Variants in CLDN10 observed in about 807,000 individuals in gnomAD.
CLDN10 encodes the protein claudin 10.
Under a neutral mutation model 22.9 loss-of-function variants are expected in CLDN10, and 15 were observed. The observed-to-expected ratio is 0.65, with a 90% confidence interval of 0.44 to 1.01. CLDN10 has a LOEUF of 1.01. CLDN10 is among the 50% of genes least tolerant of loss of function. The pLI, the probability that CLDN10 is intolerant of heterozygous loss-of-function variation, is 0.00. For synonymous variants in CLDN10, 114 were observed against 111.4 expected (o/e 1.02, Z -0.15); for missense variants, 247 against 287.8 (o/e 0.86, Z 1.03).
chr13:95,548,470 G>A (rs181112957), upstream of CLDN10, among the ~76,000 whole-genome samples: 50 of 152,158 alleles, frequency 3.3e-4, no homozygotes, highest in African/African-American at 1.2e-3. Flanking sequence ...TGTTTTTATA[G>A]TTATAATTTG....
At chr13:95,521,275 A>T (rs964046181) in intron 1 of CLDN10, among the ~76,000 whole-genome samples, 4 of 152,176 alleles carry the variant, frequency 2.6e-5, no homozygotes, top group African/African-American at 7.2e-5. Flanking sequence ...CAAAAGAAAA[A>T]CTTTCAATGT....
chr13:95,573,895 C>T (rs1053823879), intron 3 of CLDN10, among the ~76,000 whole-genome samples: 4 of 151,368 alleles, frequency 2.6e-5, no homozygotes, highest in African/African-American at 9.7e-5. Flanking sequence ...AACAGGCCCC[C>T]GTGTGTGATG....
At chr13:95,445,132 G>T (rs1056675534) in intron 1 of CLDN10, among the ~76,000 whole-genome samples, 1 of 152,212 alleles carries the variant, frequency 6.6e-6, no homozygotes, top group African/African-American at 2.4e-5. Context: ...TGATGGTGAC[G>T]ACTGAATGCA....
chr13:95,477,628 C>CAGCT (rs112243532), intron 1 of CLDN10, among the ~76,000 whole-genome samples: 17,559 of 152,092 alleles, frequency 0.12, 1,136 homozygotes, highest in South Asian at 0.22. Flanking sequence ...GAATGCAAAA[C>CAGCT]AGAGAACAAC....
intron 1 of CLDN10, among the ~76,000 whole-genome samples, chr13:95,466,219 A>T (rs1013462166): frequency 7.9e-5 from 12 of 151,858 alleles, no homozygotes; most frequent in Non-Finnish European, 1.3e-4. Context: ...TTTATTGAGG[A>T]TTTTACTATT....
chr13:95,547,822 T>A (rs1421041964), upstream of CLDN10, among the ~76,000 whole-genome samples: 1 of 152,182 alleles, frequency 6.6e-6, no homozygotes, highest in Non-Finnish European at 1.5e-5. Flanking sequence ...GATTTTAGAT[T>A]TTCTCCATGC....
At chr13:95,495,937 T>C (rs998875518) in intron 1 of CLDN10, among the ~76,000 whole-genome samples, 4 of 152,216 alleles carry the variant, frequency 2.6e-5, no homozygotes, top group Non-Finnish European at 5.9e-5. Context: ...TTCTTTCTGT[T>C]CTTAAAATCA....
intron 1 of CLDN10, among the ~76,000 whole-genome samples, chr13:95,521,616 T>C (rs1873245373): frequency 1.3e-5 from 2 of 152,196 alleles, no homozygotes; most frequent in South Asian, 4.1e-4. Flanking sequence ...TCTATATTCA[T>C]GAATGACAAT....
intron 3 of CLDN10, among the ~76,000 whole-genome samples, chr13:95,573,130 T>C (rs1171770027): frequency 6.6e-6 from 1 of 152,202 alleles, no homozygotes; most frequent in Non-Finnish European, 1.5e-5. Context: ...TATGGTTTCT[T>C]CTTTGAGAAA....
intron 1 of CLDN10, among the ~76,000 whole-genome samples, chr13:95,485,449 G>A (rs990843469): frequency 5.9e-5 from 9 of 152,240 alleles, no homozygotes; most frequent in Admixed American, 5.9e-4. Flanking sequence ...TACACCACAG[G>A]TCTATGAGTC....
chr13:95,571,876 T>C (rs1025066751), intron 3 of CLDN10, among the ~76,000 whole-genome samples: 1 of 152,132 alleles, frequency 6.6e-6, no homozygotes, highest in South Asian at 2.1e-4. Context: ...AATTGGAAAA[T>C]GCATTTTGGC....
At chr13:95,576,812 T>G (rs2043935944) in intron 3 of CLDN10, among the ~76,000 whole-genome samples, 4 of 152,222 alleles carry the variant, frequency 2.6e-5, no homozygotes, top group Admixed American at 2.6e-4. Context: ...AAACATTTAC[T>G]AAATTGAACT....
chr13:95,451,069 A>G (rs1303911017), intron 1 of CLDN10, among the ~76,000 whole-genome samples: 1 of 152,218 alleles, frequency 6.6e-6, no homozygotes, highest in Non-Finnish European at 1.5e-5. Flanking sequence ...GCTCAGTGTC[A>G]TGGCTAAGGT....
chr13:95,571,630 G>A (rs543971080), intron 3 of CLDN10, among the ~76,000 whole-genome samples: 8 of 152,190 alleles, frequency 5.3e-5, no homozygotes, highest in South Asian at 2.1e-4. Context: ...AGAATGAGGC[G>A]TATTTTGGGG....
intron 3 of CLDN10, among the ~76,000 whole-genome samples, chr13:95,561,927 TA>T (rs1447290657): frequency 1.3e-5 from 2 of 149,750 alleles, no homozygotes; most frequent in African/African-American, 5.0e-5. Flanking sequence ...CACAACCAGA[TA>T]ATTTTTTTTT....
At chr13:95,555,975 G>A (rs2043633877) in intron 1 of CLDN10, among the ~76,000 whole-genome samples, 1 of 152,178 alleles carries the variant, frequency 6.6e-6, no homozygotes, top group Non-Finnish European at 1.5e-5. Flanking sequence ...GAGAAGGCTC[G>A]TGACTCTTGC....
At chr13:95,471,201 C>A (rs532732508) in intron 1 of CLDN10, among the ~76,000 whole-genome samples, 2 of 151,896 alleles carry the variant, frequency 1.3e-5, no homozygotes, top group African/African-American at 4.8e-5. Flanking sequence ...AACGGGAGTT[C>A]AGGGAATTCA....
At chr13:95,482,132 T>C (rs886083392) in intron 1 of CLDN10, among the ~76,000 whole-genome samples, 10 of 152,242 alleles carry the variant, frequency 6.6e-5, no homozygotes, top group African/African-American at 2.4e-4. Flanking sequence ...GGATACCCCA[T>C]GTTACATGAT....
chr13:95,553,974 G>C (rs770720174), intron 1 of CLDN10, among the ~76,000 whole-genome samples: 1 of 152,152 alleles, frequency 6.6e-6, no homozygotes. Flanking sequence ...TAGATTTGAG[G>C]TGTTTTTTTC....
Sources: gnomAD v4.1 joint callset for allele counts (sites outside exome capture counted in the v4.1 genomes callset) on GRCh38, gnomAD v4.1.1 for gene constraint, MANE v1.5 for transcripts, NCBI Gene and HGNC (gene_info 2026-07-23, HGNC 2026-07-21) for gene names.